Variants in ROBO2 observed in about 807,000 individuals in gnomAD.
ROBO2 encodes the protein roundabout guidance receptor 2, also known as roundabout homolog 2.
In ROBO2, 53 loss-of-function variants were observed where a neutral mutation model predicts 160.8. That is an observed-to-expected ratio of 0.33 (90% confidence interval 0.26 to 0.41). The LOEUF is 0.41. ROBO2 is among the 10% of genes least tolerant of loss of function. ROBO2 has a pLI of 1.00. For missense variants in ROBO2, 1,577 were observed against 1,722.4 expected (o/e 0.92, Z 1.49); for synonymous variants, 664 against 611.7 (o/e 1.09, Z -1.26).
intron 13 of ROBO2, 84 bp from the exon 15 acceptor site, chr3:77,574,414 TG>T: frequency 8.7e-7 from 1 of 1,146,714 alleles, no homozygotes. Context: ...AGGACAGAAA[TG>T]GGACAAATGA....
chr3:76,047,648 A>G (rs2067494579), intron 2 of ROBO2, among the ~76,000 whole-genome samples: 1 of 152,342 alleles, frequency 6.6e-6, no homozygotes, highest in East Asian at 1.9e-4. Context: ...TAGTGTAAAC[A>G]TAATTTAATA....
rs184423937 is a variant in ROBO2, at chr3:76,332,114, A to G, written c.109+394512A>G. 3.9e-3 allele frequency among the ~76,000 whole-genome samples: 588 copies of G among 152,338 alleles called. 5 individuals carry two copies. Among genetic ancestry groups the G allele is most frequent in the African/African-American group, 0.013 (538 of 41,580 alleles). ...AGGAATCATAGATTGTATATTTTGA[A>G]TACATTTCCATTGTGAATGGCAAGG... is the stretch of plus-strand genomic sequence containing the variant. On this transcript the variant is annotated intron_variant, in intron 2 of 26. Transcript: ENST00000487694.
chr3:77,255,069 A>ATAGGAAAG (rs1440694955), intron 2 of ROBO2, among the ~76,000 whole-genome samples: 1 of 152,236 alleles, frequency 6.6e-6, no homozygotes, highest in African/African-American at 2.4e-5. Flanking sequence ...TTCCAAAGAT[A>ATAGGAAAG]TAGGAAAGTA....
At chr3:76,094,740 A>G (rs1183571026) in intron 2 of ROBO2, among the ~76,000 whole-genome samples, 1 of 152,242 alleles carries the variant, frequency 6.6e-6, no homozygotes, top group East Asian at 1.9e-4. Flanking sequence ...TGTTCATTTC[A>G]AAAAGAATAA....
At chr3:76,472,873 GC>G (rs1241082922) in intron 2 of ROBO2, among the ~76,000 whole-genome samples, 1 of 152,154 alleles carries the variant, frequency 6.6e-6, no homozygotes, top group East Asian at 1.9e-4. Flanking sequence ...CGCTGGGACA[GC>G]ATGTCAGTCT....
At chr3:76,318,293 C>T (rs7626782) in intron 2 of ROBO2, among the ~76,000 whole-genome samples, 21,845 of 151,930 alleles carry the variant, frequency 0.14, 2,838 homozygotes, top group African/African-American at 0.35. Flanking sequence ...TTGAAGAAAA[C>T]GATGTTGGGA....
In ROBO2 at chr3:77,491,501, C is replaced by A. The variant is rs149778777; in HGVS notation, c.668-1743C>A. ...GGGACCCTCATAAGGATATATTAAT[C>A]CTATTGCCTATTTAACTACCAGAAA... On this transcript the variant is annotated intron_variant, in intron 4 of 25. Transcript: ENST00000461745. Among the ~76,000 whole-genome samples the A allele has an allele frequency of 3.6e-3, 549 of 152,200 alleles. 2 individuals are homozygous for A. The highest frequency in any genetic ancestry group is 0.012 in the African/African-American group (518 of 41,532).
In ROBO2 at chr3:77,144,789, G is replaced by A. The variant is rs147681818; in HGVS notation, c.388+46449G>A. Among the ~76,000 whole-genome samples, 12 of 152,258 alleles carry A rather than the reference G, an allele frequency of 7.9e-5. No homozygotes were observed. The East Asian group carries it at 2.1e-3, about 27-fold the overall frequency. On this transcript the variant is annotated intron_variant, in intron 2 of 25. Transcript: ENST00000461745. ...GATTTTCATCAATTCCAAGATACAT[G>A]CTTTTGTGATAAACTTAAATATAAT...
intron 2 of ROBO2, among the ~76,000 whole-genome samples, chr3:76,366,564 A>G (rs1229779610): frequency 6.6e-6 from 1 of 152,054 alleles, no homozygotes; most frequent in African/African-American, 2.4e-5. Flanking sequence ...AGTAGAGACT[A>G]GCCTTCCTCT....
chr3:76,104,835 C>T (rs1023969385), intron 2 of ROBO2, among the ~76,000 whole-genome samples: 2 of 152,146 alleles, frequency 1.3e-5, no homozygotes, highest in Non-Finnish European at 2.9e-5. Context: ...TAAGGAATGA[C>T]ACTTGAATCT....
chr3:76,980,145 T>C (rs1158901947), intron 2 of ROBO2, among the ~76,000 whole-genome samples: 1 of 152,192 alleles, frequency 6.6e-6, no homozygotes, highest in Non-Finnish European at 1.5e-5. Flanking sequence ...GAGGACTATC[T>C]TATTCCATTG....
At chr3:76,526,371 G>A (rs1399154388) in intron 2 of ROBO2, among the ~76,000 whole-genome samples, 4 of 152,002 alleles carry the variant, frequency 2.6e-5, no homozygotes, top group African/African-American at 4.8e-5. Flanking sequence ...CTAGCAAGGT[G>A]TAGTATGTTT....
intron 1 of ROBO2, among the ~76,000 whole-genome samples, chr3:75,907,834 ATTT>A (rs911973765): frequency 7.1e-6 from 1 of 140,866 alleles, no homozygotes; most frequent in African/African-American, 2.7e-5. Context: ...CATTTGCTTC[ATTT>A]TTTTTAATCG....
intron 2 of ROBO2, among the ~76,000 whole-genome samples, chr3:77,151,730 C>T (rs1460063661): frequency 6.6e-6 from 1 of 152,142 alleles, no homozygotes; most frequent in Non-Finnish European, 1.5e-5. Flanking sequence ...CCATGCCGAG[C>T]TCAGCAAGAA....
chr3:76,606,956 A>G (rs986992343), intron 2 of ROBO2, among the ~76,000 whole-genome samples: 2 of 152,248 alleles, frequency 1.3e-5, no homozygotes, highest in Non-Finnish European at 2.9e-5. Context: ...ATGAAGCTAA[A>G]TATGGAATAA....
At chr3:77,473,236 C>A (rs2083540991) in intron 2 of ROBO2, among the ~76,000 whole-genome samples, 1 of 151,800 alleles carries the variant, frequency 6.6e-6, no homozygotes, top group Non-Finnish European at 1.5e-5. Context: ...GAGTTCTGTA[C>A]CTGGTCGGCA....
chr3:76,245,451 T>C (rs1238699975), intron 2 of ROBO2, among the ~76,000 whole-genome samples: 2 of 152,176 alleles, frequency 1.3e-5, no homozygotes, highest in African/African-American at 2.4e-5. Flanking sequence ...ATACCTACAG[T>C]GGAAGCTCTT....
intron 2 of ROBO2, among the ~76,000 whole-genome samples, chr3:76,852,621 A>T (rs1023998616): frequency 6.6e-6 from 1 of 152,222 alleles, no homozygotes; most frequent in Non-Finnish European, 1.5e-5. Context: ...AGAGAAAATT[A>T]GAAGCTCAAA....
At chr3:77,380,193 T>C (rs2073256255) in intron 2 of ROBO2, among the ~76,000 whole-genome samples, 1 of 152,252 alleles carries the variant, frequency 6.6e-6, no homozygotes, top group Non-Finnish European at 1.5e-5. Context: ...TGTCTTGTAC[T>C]CAGCACCAAA....
Sources: gnomAD v4.1 joint callset for allele counts (sites outside exome capture counted in the v4.1 genomes callset) on GRCh38, gnomAD v4.1.1 for gene constraint, MANE v1.5 for transcripts, NCBI Gene and HGNC (gene_info 2026-07-23, HGNC 2026-07-21) for gene names.